PRDM11: variants seen among roughly 807,000 people sequenced by gnomAD.
The protein encoded by PRDM11 is PR/SET domain 11, also known as PR domain-containing protein 11.
A neutral mutation model predicts 97.8 loss-of-function variants in PRDM11; 20 were observed. That is an observed-to-expected ratio of 0.20 (90% CI 0.14 to 0.30). PRDM11 has a LOEUF of 0.30. Among genes scored for constraint, PRDM11 ranks in the 10% least tolerant of loss-of-function variants. PRDM11 has a pLI of 1.00. For missense variants in PRDM11, 1,139 were observed against 1,555.2 expected (o/e 0.73, Z 4.50); for synonymous variants, 599 against 637.7 (o/e 0.94, Z 0.91).
intron 1 of PRDM11, among the ~76,000 whole-genome samples, chr11:45,105,480 C>T: frequency 6.6e-6 from 1 of 152,238 alleles, no homozygotes; most frequent in Non-Finnish European, 1.5e-5. Context: ...CTCTGCACAC[C>T]AGGCCTCGAG....
intron 4 of PRDM11, among the ~76,000 whole-genome samples, chr11:45,203,242 G>A (rs1853391519): frequency 6.6e-6 from 1 of 152,126 alleles, no homozygotes; most frequent in Non-Finnish European, 1.5e-5. Context: ...TCTAGCTCAT[G>A]TGTCAAAACT....
At chr11:45,190,434 C>T (rs892916555) in intron 4 of PRDM11, among the ~76,000 whole-genome samples, 8 of 151,614 alleles carry the variant, frequency 5.3e-5, no homozygotes, top group Admixed American at 1.3e-4. Flanking sequence ...AGGCATGAGC[C>T]ACCGCGCCCG....
chr11:45,181,983 C>A, intron 2 of PRDM11, 98 bp downstream of exon 2: 2 of 1,113,726 alleles, frequency 1.8e-6, no homozygotes, highest in East Asian at 2.5e-5. Context: ...TCACTCCTTG[C>A]CCACCTTCCC....
At chr11:45,147,341 C>G (rs1431086866) in intron 1 of PRDM11, 2 of 152,050 alleles carry the variant, frequency 1.3e-5, no homozygotes, top group Non-Finnish European at 2.9e-5. Flanking sequence ...GGCCGCCGGC[C>G]TAGTTCTCGC....
At chr11:45,197,365 T>C (rs1021412996) in intron 4 of PRDM11, among the ~76,000 whole-genome samples, 8 of 152,054 alleles carry the variant, frequency 5.3e-5, no homozygotes, top group African/African-American at 1.9e-4. Context: ...AGGGAAATAT[T>C]AGTCCAAGGG....
chr11:45,176,443 T>G (rs1852330232), intron 1 of PRDM11, among the ~76,000 whole-genome samples: 2 of 152,330 alleles, frequency 1.3e-5, no homozygotes, highest in Non-Finnish European at 1.5e-5. Flanking sequence ...ATTAATAAAA[T>G]GAATGATAAT....
chr11:45,183,157 T>C, intron 4 of PRDM11, 34 bp downstream of exon 4: 1 of 1,584,260 alleles, frequency 6.3e-7, no homozygotes, highest in Non-Finnish European at 8.6e-7. Context: ...TGGGAGAGGT[T>C]GCCAAGAAAC....
rs141398573 is a variant in PRDM11, at chr11:45,213,080, G to T, written c.555-6490G>T. On this transcript the variant is annotated intron_variant, in intron 5 of 7. Coordinates refer to ENST00000683152, the MANE Select transcript of PRDM11 (RefSeq NM_001384648.1). ...TGCACTAGGAGGAAGAGTCATGGAG[G>T]AGGGATGTCTGGCCTCACAACAGGG... 5.5e-4 allele frequency: 247 copies of T among 453,074 alleles called. 2 individuals carry two copies. The highest frequency in any genetic ancestry group is 4.3e-3 in the African/African-American group (214 of 50,136). 28.1% of individuals were successfully genotyped at this position (453,074 alleles called of 1,614,324 possible).
At chr11:45,130,999 C>G (rs1852706959) in intron 1 of PRDM11, among the ~76,000 whole-genome samples, 1 of 152,162 alleles carries the variant, frequency 6.6e-6, no homozygotes, top group Non-Finnish European at 1.5e-5. Context: ...TTAGACACAA[C>G]TCAAATGTCC....
intron 1 of PRDM11, among the ~76,000 whole-genome samples, chr11:45,111,833 G>T (rs1346929776): frequency 1.3e-5 from 2 of 152,200 alleles, no homozygotes; most frequent in African/African-American, 4.8e-5. Context: ...CAACATGGGA[G>T]GAAGTCACTC....
At chr11:45,165,074 G>C (rs1028860529) in intron 1 of PRDM11, among the ~76,000 whole-genome samples, 1 of 152,160 alleles carries the variant, frequency 6.6e-6, no homozygotes, top group Admixed American at 6.5e-5. Context: ...GGCACAGAAG[G>C]TGAAATAACT....
upstream of PRDM11, among the ~76,000 whole-genome samples, chr11:45,143,054 G>A (rs1038566843): frequency 2.0e-5 from 3 of 152,192 alleles, no homozygotes; most frequent in Admixed American, 6.5e-5. Flanking sequence ...AAGAAGGGAA[G>A]GCTGATCAGT....
At chr11:45,117,931 T>C (rs1226748358) in intron 1 of PRDM11, among the ~76,000 whole-genome samples, 1 of 152,106 alleles carries the variant, frequency 6.6e-6, no homozygotes, top group Non-Finnish European at 1.5e-5. Flanking sequence ...TTAACAGTTA[T>C]AGATAATGTT....
At chr11:45,110,413 T>C (rs1037997699) in intron 1 of PRDM11, among the ~76,000 whole-genome samples, 3 of 152,108 alleles carry the variant, frequency 2.0e-5, no homozygotes, top group African/African-American at 7.2e-5. Context: ...TTAGATAGCA[T>C]TACAATTTTT....
At chr11:45,164,174 C>T (rs1303940079) in intron 1 of PRDM11, among the ~76,000 whole-genome samples, 4 of 152,168 alleles carry the variant, frequency 2.6e-5, no homozygotes, top group Non-Finnish European at 5.9e-5. Context: ...CCCAGCACCC[C>T]GCGGGTCCCC....
At position 45,135,210 on chromosome 11, in the gene PRDM11, C is replaced by T. The variant is rs143288994; in HGVS notation, c.96+39309C>T. 1.7e-3 allele frequency among the ~76,000 whole-genome samples: 261 copies of T among 152,262 alleles called. 6 individuals carry two copies. Among genetic ancestry groups the T allele is most frequent in the South Asian group, 0.011 (54 of 4,822 alleles). On this transcript the variant is annotated intron_variant, in intron 1 of 6. Coordinates refer to the PRDM11 transcript ENST00000530656. ...ATGTAATGAGATTATCAGAAGGCTG[C>T]AGGAAACATCATGAAAACAGGAGAA...
At position 45,226,017 on chromosome 11, in the gene PRDM11, C is replaced by T; in HGVS notation, c.1392C>T (p.Gly464=). ...DPAASESMVS[G]PAIMEDDDQE... ...CAGCCTCAGAAAGCATGGTCTCCGG[C>T]CCCGCCATCATGGAGGATGATGACC... Residue 464 remains glycine, a synonymous_variant, in exon 8 of 8, where the codon GGC becomes GGT. Coordinates refer to ENST00000683152, the MANE Select transcript of PRDM11 (RefSeq NM_001384648.1). 6.6e-7 allele frequency: 1 copy of T among 1,507,204 alleles called. No individual in the cohort carries two copies. The highest frequency in any genetic ancestry group is 8.9e-7 in the Non-Finnish European group (1 of 1,126,198). The allele number at this position is 1,507,204 out of a possible 1,614,324, so 93.4% of individuals were successfully genotyped here.
At chr11:45,105,475 C>A (rs533702585) in intron 1 of PRDM11, among the ~76,000 whole-genome samples, 6 of 152,358 alleles carry the variant, frequency 3.9e-5, no homozygotes, top group Admixed American at 2.6e-4. Context: ...CAGACCTCTG[C>A]ACACCAGGCC....
At chr11:45,173,622 CAAAAA>C (rs1163035481) in intron 1 of PRDM11, among the ~76,000 whole-genome samples, 1 of 68,370 alleles carries the variant, frequency 1.5e-5, no homozygotes. Context: ...AACACCGCGT[CAAAAA>C]AAAAAAAAAA....
Sources: gnomAD v4.1 joint callset for allele counts (sites outside exome capture counted in the v4.1 genomes callset) on GRCh38, gnomAD v4.1.1 for gene constraint, MANE v1.5 for transcripts, NCBI Gene and HGNC (gene_info 2026-07-23, HGNC 2026-07-21) for gene names.